Variants in LRP1B observed in about 807,000 individuals in gnomAD.
LRP1B encodes LDL receptor related protein 1B.
A neutral mutation model predicts 556.6 loss-of-function variants in LRP1B; 217 were observed. The observed-to-expected ratio is 0.39, with a 90% CI of 0.35 to 0.44. The LOEUF (loss-of-function observed/expected upper bound fraction) is 0.44, where lower values mean the gene tolerates loss of function less well. LRP1B is among the 20% of genes least tolerant of loss of function. LRP1B has a pLI of 1.00. For synonymous variants in LRP1B, 2,047 were observed against 1,865.8 expected, an observed-to-expected ratio of 1.10 and a Z score of -2.50; for missense variants, 5,053 against 5,620.8, an observed-to-expected ratio of 0.90 and a Z score of 3.23.
At chr2:142,037,221 T>G (rs574729433) in intron 1 of LRP1B, among the ~76,000 whole-genome samples, 1 of 151,798 alleles carries the variant, frequency 6.6e-6, no homozygotes, top group South Asian at 2.1e-4. Context: ...ACTTCCATGC[T>G]GCATTCTCTC....
chr2:141,436,313 CAT>C (rs896553009), intron 3 of LRP1B, among the ~76,000 whole-genome samples: 1 of 152,042 alleles, frequency 6.6e-6, no homozygotes, highest in Non-Finnish European at 1.5e-5. Context: ...ATAAGCCAGA[CAT>C]AGAAAGACAA....
intron 1 of LRP1B, among the ~76,000 whole-genome samples, chr2:141,845,320 G>T (rs1333924098): frequency 6.6e-6 from 1 of 151,542 alleles, no homozygotes; most frequent in African/African-American, 2.4e-5. Flanking sequence ...GTTTAAATAA[G>T]AATAAAAAAC....
At chr2:141,096,819 T>A (rs938560932) in intron 7 of LRP1B, among the ~76,000 whole-genome samples, 1 of 152,156 alleles carries the variant, frequency 6.6e-6, no homozygotes, top group African/African-American at 2.4e-5. Context: ...GTACTTTGTC[T>A]TATGAAATAA....
At chr2:140,580,547 G>C (rs867675143) in intron 43 of LRP1B, among the ~76,000 whole-genome samples, 4 of 152,148 alleles carry the variant, frequency 2.6e-5, no homozygotes, top group African/African-American at 9.7e-5. Context: ...GAAAGTAGGG[G>C]TGTAACAGCC....
In LRP1B at chr2:141,245,881, CT is replaced by C. The variant is rs35336570; in HGVS notation, c.592+1344del. ...CAAGTTTATTCTCTCTTTCCTTTTC[CT>C]TTTTTCCATCCTGCCCTCCTTTCTT... On this transcript the variant is annotated intron_variant, in intron 5 of 90. Transcript: ENST00000389484. 4.7e-3 allele frequency among the ~76,000 whole-genome samples: 721 copies of C among 152,148 alleles called. 6 individuals are homozygous for C. The highest frequency in any genetic ancestry group is 0.017 in the African/African-American group (691 of 41,530).
chr2:140,647,989 T>G (rs1024038138), intron 41 of LRP1B, among the ~76,000 whole-genome samples: 6 of 152,162 alleles, frequency 3.9e-5, no homozygotes, highest in African/African-American at 1.4e-4. Flanking sequence ...CATGTGCACA[T>G]GTATGTTTAT....
intron 7 of LRP1B, among the ~76,000 whole-genome samples, chr2:141,122,783 A>G (rs12624074): frequency 0.29 from 44,824 of 152,056 alleles, 6,875 homozygotes; most frequent in East Asian, 0.48. Flanking sequence ...TCATGCTGCT[A>G]TAAAGACACA....
At chr2:141,104,399 C>G (rs905391520) in intron 7 of LRP1B, among the ~76,000 whole-genome samples, 34 of 152,002 alleles carry the variant, frequency 2.2e-4, no homozygotes, top group Non-Finnish European at 3.5e-4. Context: ...GTCAACCAGA[C>G]AACACTAAGA....
chr2:140,835,844 C>T (rs187816870), intron 31 of LRP1B, among the ~76,000 whole-genome samples: 4 of 152,246 alleles, frequency 2.6e-5, no homozygotes, highest in Non-Finnish European at 5.9e-5. Context: ...TGGCCACATG[C>T]CTATTTTTAG....
intron 3 of LRP1B, among the ~76,000 whole-genome samples, chr2:141,356,557 G>C (rs145590692): frequency 4.5e-4 from 61 of 135,244 alleles, no homozygotes; most frequent in African/African-American, 1.5e-3. Flanking sequence ...TGATTCTATG[G>C]TTCCTTTTGA....
chr2:141,849,382 T>A (rs1558916369), intron 1 of LRP1B, among the ~76,000 whole-genome samples: 1 of 151,692 alleles, frequency 6.6e-6, no homozygotes, highest in East Asian at 1.9e-4. Context: ...TCACTAGTTT[T>A]TCACATCTTA....
intron 1 of LRP1B, among the ~76,000 whole-genome samples, chr2:142,112,475 G>A (rs1306316155): frequency 6.6e-6 from 1 of 152,014 alleles, no homozygotes; most frequent in African/African-American, 2.4e-5. Context: ...TTGGAAAAAT[G>A]TAAAATGAGC....
chr2:141,070,720 C>T (rs1699615003), intron 7 of LRP1B, among the ~76,000 whole-genome samples: 1 of 151,968 alleles, frequency 6.6e-6, no homozygotes, highest in South Asian at 2.1e-4. Flanking sequence ...GAGAATACTA[C>T]AAACACCTCT....
chr2:141,295,444 A>T (rs977241339), intron 3 of LRP1B, among the ~76,000 whole-genome samples: 1 of 152,106 alleles, frequency 6.6e-6, no homozygotes, highest in Non-Finnish European at 1.5e-5. Flanking sequence ...CCTAGGTTTT[A>T]ATGAATCTCA....
chr2:141,941,098 C>T (rs1283880464), intron 1 of LRP1B, among the ~76,000 whole-genome samples: 4 of 152,120 alleles, frequency 2.6e-5, no homozygotes, highest in Non-Finnish European at 4.4e-5. Context: ...ACAGATAAGA[C>T]CAATGCAATG....
intron 66 of LRP1B, among the ~76,000 whole-genome samples, chr2:140,432,271 T>TA (rs1009062840): frequency 1.3e-5 from 2 of 152,104 alleles, no homozygotes; most frequent in Non-Finnish European, 2.9e-5. Context: ...CCAAATCTTA[T>TA]AAAACAGACC....
intron 2 of LRP1B, among the ~76,000 whole-genome samples, chr2:141,583,132 G>T (rs1054565922): frequency 1.5e-4 from 23 of 151,930 alleles, no homozygotes; most frequent in African/African-American, 5.3e-4. Flanking sequence ...CACCACGCCC[G>T]GCCAACAATA....
At chr2:140,651,593 A>C (rs562835560) in intron 41 of LRP1B, among the ~76,000 whole-genome samples, 4 of 152,126 alleles carry the variant, frequency 2.6e-5, no homozygotes, top group Admixed American at 2.6e-4. Context: ...GTTACCCAAA[A>C]AGTAAATAGG....
intron 1 of LRP1B, among the ~76,000 whole-genome samples, chr2:142,077,813 T>A (rs187028866): frequency 1.5e-4 from 23 of 152,256 alleles, no homozygotes; most frequent in Non-Finnish European, 1.0e-4. Context: ...CAGAAATGCT[T>A]TGTTGCTGAT....
Sources: gnomAD v4.1 joint callset for allele counts (sites outside exome capture counted in the v4.1 genomes callset) on GRCh38, gnomAD v4.1.1 for gene constraint, MANE v1.5 for transcripts, NCBI Gene and HGNC (gene_info 2026-07-23, HGNC 2026-07-21) for gene names.